CNBD1: variants seen among roughly 807,000 people sequenced by gnomAD.
The protein encoded by CNBD1 is cyclic nucleotide-binding domain-containing protein 1.
A neutral mutation model predicts 54.4 loss-of-function variants in CNBD1; 71 were observed. The ratio of observed to expected loss-of-function variants is 1.30; its 90% confidence interval spans 1.08 to 1.59. The LOEUF (loss-of-function observed/expected upper bound fraction) is 1.59, where lower values mean the gene tolerates loss of function less well. Among genes scored for constraint, CNBD1 ranks in the 40% most tolerant of loss-of-function variants. CNBD1 has a pLI of 0.00. For synonymous variants in CNBD1, 182 were observed against 170.7 expected (o/e 1.07, Z -0.51); for missense variants, 659 against 518.0 (o/e 1.27, Z -2.64).
intron 8 of CNBD1, among the ~76,000 whole-genome samples, chr8:87,349,205 G>T (rs1303453367): frequency 6.6e-6 from 1 of 151,882 alleles, no homozygotes; most frequent in Admixed American, 6.6e-5. Context: ...AGGAGGAAAG[G>T]GTATCCAAAC....
At chr8:87,075,267 G>A (rs1810846130) in intron 4 of CNBD1, among the ~76,000 whole-genome samples, 1 of 152,128 alleles carries the variant, frequency 6.6e-6, no homozygotes, top group African/African-American at 2.4e-5. Flanking sequence ...CATATAGGAT[G>A]CCCATGCAGT....
intron 4 of CNBD1, among the ~76,000 whole-genome samples, chr8:86,977,959 A>G (rs551999776): frequency 1.2e-4 from 19 of 152,288 alleles, no homozygotes; most frequent in African/African-American, 4.6e-4. Context: ...AATATCCCTG[A>G]TGAACATAGG....
intron 1 of CNBD1, among the ~76,000 whole-genome samples, chr8:86,880,351 G>T (rs908719667): frequency 6.7e-6 from 1 of 148,350 alleles, no homozygotes; most frequent in East Asian, 2.0e-4. Flanking sequence ...AAAAAAAAAC[G>T]TAATACTACA....
intron 4 of CNBD1, among the ~76,000 whole-genome samples, chr8:87,195,225 A>AT (rs35035648): frequency 0.029 from 3,505 of 119,758 alleles, 156 homozygotes; most frequent in African/African-American, 0.092. Flanking sequence ...GAGAAAATTG[A>AT]TTTTTTTTTT....
intron 4 of CNBD1, among the ~76,000 whole-genome samples, chr8:86,967,931 A>G (rs1808128347): frequency 6.6e-6 from 1 of 152,078 alleles, no homozygotes; most frequent in African/African-American, 2.4e-5. Flanking sequence ...GGCCTTTGAT[A>G]ATAGCGGTAA....
intron 3 of CNBD1, among the ~76,000 whole-genome samples, chr8:86,935,738 C>T (rs1344628786): frequency 6.6e-6 from 1 of 151,972 alleles, no homozygotes; most frequent in Non-Finnish European, 1.5e-5. Context: ...CAATTTTTAT[C>T]CTTTATTATA....
rs182171773 is a variant in CNBD1 at position 87,110,900 on chromosome 8, A to G, written c.432-95093A>G. ...AATAGCTTCATGTAACATACCAGAG[A>G]TTATGGGAATGCATTCTAGTAAAGA... On this transcript the variant is annotated intron_variant, in intron 4 of 10. Coordinates refer to ENST00000518476, the MANE Select transcript of CNBD1 (RefSeq NM_173538.3). 1.4e-4 allele frequency among the ~76,000 whole-genome samples: 22 copies of G among 152,332 alleles called. No homozygotes were observed. In the East Asian group the frequency reaches 4.1e-3, roughly 28 times the overall value.
intron 3 of CNBD1, among the ~76,000 whole-genome samples, chr8:86,928,269 A>G (rs1809397586): frequency 6.6e-6 from 1 of 152,168 alleles, no homozygotes; most frequent in Non-Finnish European, 1.5e-5. Flanking sequence ...ACAGCATTTC[A>G]TATGGACTTA....
chr8:87,077,817 T>C (rs1482234887), intron 4 of CNBD1, among the ~76,000 whole-genome samples: 2 of 152,164 alleles, frequency 1.3e-5, no homozygotes, highest in Non-Finnish European at 2.9e-5. Context: ...CAGTCTATCA[T>C]TGATGGACAT....
At chr8:87,187,048 A>G (rs368420208) in intron 4 of CNBD1, among the ~76,000 whole-genome samples, 4 of 152,106 alleles carry the variant, frequency 2.6e-5, no homozygotes, top group Admixed American at 6.5e-5. Context: ...ATAATTGACA[A>G]TATTATGCAA....
intron 4 of CNBD1, among the ~76,000 whole-genome samples, chr8:86,955,317 G>A (rs542598727): frequency 9.9e-4 from 150 of 152,254 alleles, no homozygotes; most frequent in African/African-American, 3.3e-3. Context: ...CTTTATAGCA[G>A]CATGATTGAT....
chr8:87,152,894 T>G (rs1425934232), intron 4 of CNBD1, among the ~76,000 whole-genome samples: 1 of 152,176 alleles, frequency 6.6e-6, no homozygotes, highest in Non-Finnish European at 1.5e-5. Context: ...TTCACCTCCA[T>G]TAAGGCTTTT....
At chr8:86,900,978 C>T (rs1195993270) in intron 2 of CNBD1, among the ~76,000 whole-genome samples, 2 of 152,022 alleles carry the variant, frequency 1.3e-5, no homozygotes, top group Non-Finnish European at 2.9e-5. Flanking sequence ...ATTTTGAAGG[C>T]ATAAAATCAT....
intron 4 of CNBD1, among the ~76,000 whole-genome samples, chr8:86,974,083 A>G (rs916635135): frequency 3.3e-5 from 5 of 152,126 alleles, no homozygotes; most frequent in Admixed American, 3.3e-4. Context: ...TCCTGTAATT[A>G]TAATGATAAA....
chr8:87,221,817 A>G (rs958068165), intron 5 of CNBD1, among the ~76,000 whole-genome samples: 3 of 152,040 alleles, frequency 2.0e-5, no homozygotes, highest in Admixed American at 6.6e-5. Context: ...GCTGTGTAAT[A>G]TTTACGTATT....
intron 10 of CNBD1, 108 bp from the exon 11 acceptor site, chr8:87,382,512 C>G: frequency 1.3e-6 from 1 of 785,566 alleles, no homozygotes; most frequent in Non-Finnish European, 2.1e-6. Context: ...TAAAGCATAA[C>G]CCCTCTGACT....
intron 4 of CNBD1, among the ~76,000 whole-genome samples, chr8:87,200,528 A>G (rs1813838557): frequency 6.6e-6 from 1 of 152,150 alleles, no homozygotes; most frequent in African/African-American, 2.4e-5. Context: ...CTGACTAAGA[A>G]AAAAGCAAAG....
At chr8:87,197,198 T>G (rs1214250304) in intron 4 of CNBD1, among the ~76,000 whole-genome samples, 1 of 152,204 alleles carries the variant, frequency 6.6e-6, no homozygotes, top group African/African-American at 2.4e-5. Flanking sequence ...TAATCTAGTT[T>G]TATTCACTGA....
rs184491477 is a variant in CNBD1, at chr8:87,098,883, A to C, written c.432-107110A>C. ...AATCCTGTCTCTACTAAAAATACAA[A>C]AAAATTAGCCAGGCGTGGTGGCACA... is the stretch of plus-strand genomic sequence containing the variant. On this transcript the variant is annotated intron_variant, in intron 4 of 10. Coordinates refer to ENST00000518476, the MANE Select transcript of CNBD1 (RefSeq NM_173538.3). Among the ~76,000 whole-genome samples, 589 of 151,666 alleles carry C rather than the reference A, an allele frequency of 3.9e-3. 7 individuals are homozygous for C. The highest frequency in any genetic ancestry group is 0.027 in the Middle Eastern group (8 of 294).
Sources: allele counts gnomAD v4.1 joint callset (sites outside exome capture counted in the v4.1 genomes callset), GRCh38; gene constraint gnomAD v4.1.1; transcripts MANE v1.5; gene names NCBI Gene and HGNC (gene_info 2026-07-23, HGNC 2026-07-21).